The following FREM1 variants were observed in gnomAD, a reference collection of about 807,000 sequenced individuals.
FREM1 encodes FRAS1 related extracellular matrix 1.
FREM1 carries 220 observed loss-of-function variants against 210.1 expected under a neutral mutation model. That is an observed-to-expected ratio of 1.05 (90% CI 0.94 to 1.17). FREM1 has a LOEUF of 1.17. FREM1 is among the 50% of genes most tolerant of loss of function. FREM1 has a pLI of 0.00. For missense variants in FREM1, 3,454 were observed against 2,675.5 expected (o/e 1.29, Z -6.42); for synonymous variants, 1,189 against 980.2 (o/e 1.21, Z -3.98).
At chr9:14,747,182 G>C in intron 33 of FREM1, 82 bp downstream of exon 33, 1 of 1,570,462 alleles carries the variant, frequency 6.4e-7, no homozygotes, top group Non-Finnish European at 8.7e-7. Flanking sequence ...AACCTTGGAG[G>C]CTATTTTGTG....
At chr9:14,871,826 G>C (rs1451098592) in intron 1 of FREM1, among the ~76,000 whole-genome samples, 2 of 152,078 alleles carry the variant, frequency 1.3e-5, no homozygotes, top group African/African-American at 4.8e-5. Flanking sequence ...AATCCATCTT[G>C]AATTAATTTT....
chr9:14,744,840 T>C lies in FREM1; in HGVS notation c.6254+1513A>G, dbSNP rs1399512648. Among the ~76,000 whole-genome samples the C allele has an allele frequency of 2.6e-5, 4 of 152,218 alleles. 1 individual carries two copies. Among genetic ancestry groups the C allele is most frequent in the Non-Finnish European group, 5.9e-5 (4 of 68,028 alleles). ...GTAAGACAGTTCTACAAAGTGATTGTACCATTTTACACTTCTACCAACAAC... is the reference window on the plus strand; with the variant it reads ...GTAAGACAGTTCTACAAAGTGATTGCACCATTTTACACTTCTACCAACAAC... On this transcript the variant is annotated intron_variant, in intron 35 of 36. Transcript: ENST00000380880.
At chr9:14,884,019 A>G (rs7021013) in intron 1 of FREM1, among the ~76,000 whole-genome samples, 62,461 of 152,006 alleles carry the variant, frequency 0.41, 13,228 homozygotes, top group East Asian at 0.65. Context: ...ACCTGAGGTC[A>G]GGAGTTCGAG....
intron 7 of FREM1, among the ~76,000 whole-genome samples, 182 bp from the exon 8 acceptor site, chr9:14,846,273 A>C (rs1826597318): frequency 6.6e-6 from 1 of 152,128 alleles, no homozygotes; most frequent in Admixed American, 6.5e-5. Flanking sequence ...AAAACCAAAC[A>C]CCACATGCTC....
rs548669276 is a variant in FREM1 at position 14,778,155 on chromosome 9, T to C, written c.4443-1952A>G. 7.9e-5 allele frequency among the ~76,000 whole-genome samples: 12 copies of C among 152,286 alleles called. No individual in the cohort carries two copies. The East Asian group carries it at 2.3e-3, about 29-fold the overall frequency. ...TACACCTTGAATAAAGGTATTCAGT[T>C]ACCTTTAGAATTATAGATTGAGCAA... On this transcript the variant is annotated intron_variant, in intron 24 of 36. Coordinates refer to ENST00000380880, the MANE Select transcript of FREM1 (RefSeq NM_001379081.2).
intron 7 of FREM1, among the ~76,000 whole-genome samples, chr9:14,848,290 C>G (rs1440380867): frequency 6.6e-6 from 1 of 152,186 alleles, no homozygotes; most frequent in Non-Finnish European, 1.5e-5. Flanking sequence ...TAAAAATAGA[C>G]TATAGATTAT....
intron 1 of FREM1, among the ~76,000 whole-genome samples, chr9:14,885,661 A>G (rs28457781): frequency 0.42 from 63,837 of 151,966 alleles, 15,452 homozygotes; most frequent in African/African-American, 0.67. Flanking sequence ...GTCTCAAGCT[A>G]TTCTTCCATC....
rs771992074 is a variant in FREM1 at position 14,813,058 on chromosome 9, G to A, written c.2647C>T (p.Pro883Ser). Residue 883 changes from proline to serine, a missense_variant, in exon 16 of 37, where the codon CCT becomes TCT. Coordinates refer to ENST00000380880, the MANE Select transcript of FREM1 (RefSeq NM_001379081.2). Reference protein sequence around the residue: ...AEFVLHVEVFPVNDEPPVLKA... With the variant: ...AEFVLHVEVFSVNDEPPVLKA... ...AAGACTGGTGGCTCATCGTTGACAG[G>A]GAATACCTAGGCAATGGAAAAAATG... The A allele has an allele frequency of 6.2e-7, 1 of 1,604,982 alleles. No homozygotes were observed.
At chr9:14,781,586 C>G (rs1490743441) in intron 24 of FREM1, among the ~76,000 whole-genome samples, 1 of 152,142 alleles carries the variant, frequency 6.6e-6, no homozygotes, top group Non-Finnish European at 1.5e-5. Flanking sequence ...ATTTATAGTA[C>G]TGTTTTTAGT....
rs1818504788 is a variant in FREM1 at position 14,910,310 on chromosome 9, C to T, written c.-664G>A. ...CGACCTCCCTGGCGGACAGCCACCGCTAGCCCCGTGCCTTCTGCTGGTTGG... is the reference window on the plus strand; with the variant it reads ...CGACCTCCCTGGCGGACAGCCACCGTTAGCCCCGTGCCTTCTGCTGGTTGG... On this transcript the variant is annotated 5_prime_UTR_variant, in exon 1 of 37. Transcript: ENST00000380880. 1 of 152,260 alleles carries T rather than the reference C, an allele frequency of 6.6e-6. No homozygotes were observed. Among genetic ancestry groups the T allele is most frequent in the South Asian group, 2.1e-4 (1 of 4,828 alleles). 9.4% of individuals were successfully genotyped at this position (152,260 alleles called of 1,614,324 possible).
intron 24 of FREM1, among the ~76,000 whole-genome samples, chr9:14,776,569 C>T (rs1308260980): frequency 6.6e-6 from 1 of 152,172 alleles, no homozygotes; most frequent in East Asian, 1.9e-4. Flanking sequence ...AGTATACCCC[C>T]TTTATTTATT....
intron 28 of FREM1, among the ~76,000 whole-genome samples, chr9:14,757,119 C>G (rs142534673): frequency 1.2e-3 from 177 of 152,236 alleles, no homozygotes; most frequent in African/African-American, 3.9e-3. Flanking sequence ...ACAACAACAA[C>G]AAAAATGCCC....
intron 22 of FREM1, among the ~76,000 whole-genome samples, chr9:14,792,033 T>C (rs554921772): frequency 4.1e-4 from 62 of 152,102 alleles, no homozygotes; most frequent in South Asian, 2.1e-4. Flanking sequence ...TTAGTAGAGA[T>C]GGGGTTTCAC....
chr9:14,892,059 T>C (rs1449521548), intron 1 of FREM1, among the ~76,000 whole-genome samples: 1 of 152,190 alleles, frequency 6.6e-6, no homozygotes, highest in Non-Finnish European at 1.5e-5. Context: ...CTTTCTATCC[T>C]AAGGTATCCC....
At chr9:14,889,130 A>G (rs1836330733) in intron 1 of FREM1, among the ~76,000 whole-genome samples, 1 of 152,206 alleles carries the variant, frequency 6.6e-6, no homozygotes, top group Non-Finnish European at 1.5e-5. Context: ...GATTGTGATA[A>G]AAAAATCCTT....
At chr9:14,837,860 T>A (rs1036193682) in intron 10 of FREM1, among the ~76,000 whole-genome samples, 1 of 152,210 alleles carries the variant, frequency 6.6e-6, no homozygotes, top group African/African-American at 2.4e-5. Flanking sequence ...TTGGCAACAG[T>A]CATGAAAGGA....
intron 23 of FREM1, among the ~76,000 whole-genome samples, chr9:14,787,570 C>T (rs956869108): frequency 5.3e-5 from 8 of 152,124 alleles, no homozygotes; most frequent in Non-Finnish European, 7.4e-5. Context: ...AGGTACACAA[C>T]CTTCACACCT....
chr9:14,910,346 A>C lies in FREM1; in HGVS notation c.-700T>G, dbSNP rs1317397591. On this transcript the variant is annotated 5_prime_UTR_variant, in exon 1 of 37. Coordinates refer to ENST00000380880, the MANE Select transcript of FREM1 (RefSeq NM_001379081.2). ...CCTTCTGCTGGTTGGGTCCGCAGGG[A>C]CAAAACTGAGCTTTTGTTAATGAGG... 6.6e-6 allele frequency: 1 copy of C among 152,290 alleles called. No individual in the cohort carries two copies. The highest frequency in any genetic ancestry group is 2.4e-5 in the African/African-American group (1 of 41,454). 9.4% of individuals were successfully genotyped at this position (152,290 alleles called of 1,614,324 possible).
At chr9:14,830,611 A>G (rs1015641368) in intron 10 of FREM1, among the ~76,000 whole-genome samples, 16 of 152,222 alleles carry the variant, frequency 1.1e-4, no homozygotes, top group African/African-American at 3.9e-4. Flanking sequence ...GCCCACCGGA[A>G]GACCTCCTCC....
Sources: gnomAD v4.1 joint callset for allele counts (sites outside exome capture counted in the v4.1 genomes callset) on GRCh38, gnomAD v4.1.1 for gene constraint, MANE v1.5 for transcripts, NCBI Gene and HGNC (gene_info 2026-07-23, HGNC 2026-07-21) for gene names.